Variants in C10orf67 observed in about 807,000 individuals in gnomAD.
The protein encoded by C10orf67 is chromosome 10 open reading frame 67, also known as uncharacterized protein C10orf67, mitochondrial.
C10orf67 carries 60 observed loss-of-function variants against 35.6 expected under a neutral mutation model. The observed-to-expected ratio is 1.68, with a 90% CI of 1.37 to 2.09. The LOEUF (loss-of-function observed/expected upper bound fraction) is 2.09, where lower values mean the gene tolerates loss of function less well. Among genes scored for constraint, C10orf67 ranks in the 30% most tolerant of loss-of-function variants. C10orf67 has a pLI of 0.00. For synonymous variants in C10orf67, 167 were observed against 115.8 expected, an observed-to-expected ratio of 1.44 and a Z score of -2.84; for missense variants, 474 against 330.2, an observed-to-expected ratio of 1.44 and a Z score of -3.38.
chr10:23,247,881 T>C (rs1035914442), intron 12 of C10orf67, among the ~76,000 whole-genome samples: 1 of 152,212 alleles, frequency 6.6e-6, no homozygotes, highest in Non-Finnish European at 1.5e-5. Flanking sequence ...TTTCTTTACC[T>C]GTGTGGTGAG....
intron 10 of C10orf67, among the ~76,000 whole-genome samples, chr10:23,255,466 A>G (rs1449531764): frequency 6.6e-6 from 1 of 152,044 alleles, no homozygotes; most frequent in Non-Finnish European, 1.5e-5. Context: ...TGCAACTCTC[A>G]AGCATGTCTC....
chr10:23,309,425 T>C (rs2132302101), intron 4 of C10orf67, among the ~76,000 whole-genome samples: 1 of 152,262 alleles, frequency 6.6e-6, no homozygotes, highest in Middle Eastern at 3.4e-3. Flanking sequence ...GGTTGAAATA[T>C]TACCTATTGA....
chr10:23,329,475 G>A (rs1226657175), intron 2 of C10orf67, among the ~76,000 whole-genome samples: 1 of 152,044 alleles, frequency 6.6e-6, no homozygotes, highest in Non-Finnish European at 1.5e-5. Flanking sequence ...TGAAGAAATA[G>A]ATATTCCCAA....
At chr10:23,285,854 C>T (rs368704302) in intron 7 of C10orf67, among the ~76,000 whole-genome samples, 4 of 152,340 alleles carry the variant, frequency 2.6e-5, no homozygotes, top group South Asian at 2.1e-4. Flanking sequence ...GGCCACATTT[C>T]AAGTGCTCAA....
rs912822107 is a variant in C10orf67, at chr10:23,332,411, G to A, written c.327+651C>T. ...ATCAAAAAAGATCCAGGCCAGGCAC[G>A]ATGGCTCACACCTGTAATCTCAGTA... On this transcript the variant is annotated intron_variant, in intron 2 of 15. Coordinates refer to ENST00000636213, the MANE Select transcript of C10orf67 (RefSeq NM_001371909.1). Among the ~76,000 whole-genome samples the A allele has an allele frequency of 5.3e-5, 8 of 152,232 alleles. 1 individual carries two copies. Among genetic ancestry groups the A allele is most frequent in the Admixed American group, 3.9e-4 (6 of 15,290 alleles).
At chr10:23,288,765 T>C (rs1013761597) in intron 7 of C10orf67, among the ~76,000 whole-genome samples, 2 of 152,200 alleles carry the variant, frequency 1.3e-5, no homozygotes, top group Admixed American at 1.3e-4. Flanking sequence ...TTTTAATCCA[T>C]TTTAACTTAA....
chr10:23,315,896 G>A (rs1433348067), intron 4 of C10orf67, among the ~76,000 whole-genome samples: 2 of 151,958 alleles, frequency 1.3e-5, no homozygotes, highest in African/African-American at 4.8e-5. Context: ...ATGGCTCACT[G>A]TAACGTCAGA....
At chr10:23,256,442 G>C (rs557639517) in intron 10 of C10orf67, among the ~76,000 whole-genome samples, 6 of 152,170 alleles carry the variant, frequency 3.9e-5, no homozygotes, top group Admixed American at 1.3e-4. Flanking sequence ...AGAGAGCTGG[G>C]GTTACACCCA....
chr10:23,296,343 G>T (rs761805208), intron 5 of C10orf67, among the ~76,000 whole-genome samples: 113 of 152,314 alleles, frequency 7.4e-4, no homozygotes, highest in Non-Finnish European at 1.5e-3. Context: ...GGCAACAGAT[G>T]ATTGGCTATT....
intron 8 of C10orf67, among the ~76,000 whole-genome samples, chr10:23,278,546 C>T (rs564773543): frequency 7.9e-4 from 121 of 152,242 alleles, no homozygotes; most frequent in African/African-American, 2.9e-3. Context: ...AGAATGGAAA[C>T]AGCAGGTAAG....
chr10:23,335,417 G>T (rs2132401848), intron 1 of C10orf67, among the ~76,000 whole-genome samples: 1 of 152,208 alleles, frequency 6.6e-6, no homozygotes, highest in African/African-American at 2.4e-5. Context: ...TCCTCTTATG[G>T]AAAATAATAG....
chr10:23,328,993 C>CAAAAAAAAAAAAAAAAAGAAAAAAAGA (rs1845310022), intron 2 of C10orf67, among the ~76,000 whole-genome samples: 3 of 78,734 alleles, frequency 3.8e-5, no homozygotes, highest in African/African-American at 4.9e-5. Context: ...CATAAACGAA[C>CAAAAAAAAAAAAAAAAAGAAAAAAAGA]AAAAAAAAAA....
chr10:23,253,006 T>C (rs1842500681), intron 10 of C10orf67, among the ~76,000 whole-genome samples: 1 of 151,634 alleles, frequency 6.6e-6, no homozygotes, highest in South Asian at 2.1e-4. Context: ...GTTTTAAAAA[T>C]GGGAGTTTCT....
intron 10 of C10orf67, among the ~76,000 whole-genome samples, chr10:23,262,576 C>T (rs571179852): frequency 6.6e-6 from 1 of 152,322 alleles, no homozygotes; most frequent in African/African-American, 2.4e-5. Context: ...ACATTACGCT[C>T]AAACCTAGTG....
At chr10:23,236,363 C>T (rs569941656) in intron 13 of C10orf67, among the ~76,000 whole-genome samples, 3 of 149,058 alleles carry the variant, frequency 2.0e-5, no homozygotes, top group African/African-American at 5.0e-5. Context: ...ACCTGGGAGG[C>T]GGAAGTTGCA....
intron 15 of C10orf67, among the ~76,000 whole-genome samples, chr10:23,213,565 A>T (rs139121662): frequency 5.9e-5 from 9 of 152,334 alleles, no homozygotes; most frequent in Non-Finnish European, 1.3e-4. Flanking sequence ...AATTACCATC[A>T]AAGAGTGAGG....
intron 15 of C10orf67, among the ~76,000 whole-genome samples, 156 bp downstream of exon 15, chr10:23,223,442 C>A (rs1841641696): frequency 6.6e-6 from 1 of 152,144 alleles, no homozygotes; most frequent in African/African-American, 2.4e-5. Context: ...TTCTTTTATT[C>A]AGTTTATCTG....
intron 15 of C10orf67, among the ~76,000 whole-genome samples, chr10:23,204,792 C>T (rs752758128): frequency 6.6e-6 from 1 of 152,172 alleles, no homozygotes; most frequent in South Asian, 2.1e-4. Flanking sequence ...CTAACCTCAA[C>T]GTTGGGCTCT....
chr10:23,323,952 T>TACATACACACAC (rs1845083244), intron 2 of C10orf67, among the ~76,000 whole-genome samples: 1 of 64,688 alleles, frequency 1.5e-5, no homozygotes, highest in Admixed American at 1.8e-4. Flanking sequence ...TATATATATA[T>TACATACACACAC]ACACACACAC....
Sources: gnomAD v4.1 joint callset for allele counts (sites outside exome capture counted in the v4.1 genomes callset) on GRCh38, gnomAD v4.1.1 for gene constraint, MANE v1.5 for transcripts, NCBI Gene and HGNC (gene_info 2026-07-23, HGNC 2026-07-21) for gene names.